The following RERE variants were observed in gnomAD, a reference collection of about 807,000 sequenced individuals.
The protein encoded by RERE is arginine-glutamic acid dipeptide repeats protein.
RERE carries 40 observed loss-of-function variants against 146.1 expected under a neutral mutation model. The observed-to-expected ratio is 0.27, with a 90% CI of 0.21 to 0.36. RERE has a LOEUF of 0.36. Ranked by LOEUF, RERE falls within the 10% of genes least tolerant of loss-of-function variation. The probability of loss-of-function intolerance (pLI) is 1.00; values close to 1 mark genes in which losing one functional copy is unlikely to be tolerated. For missense variants in RERE, 1,933 were observed against 2,138.7 expected (o/e 0.90, Z 1.90); for synonymous variants, 1,003 against 866.0 (o/e 1.16, Z -2.78).
At chr1:8,605,799 C>G (rs1324347348) in intron 4 of RERE, among the ~76,000 whole-genome samples, 1 of 137,716 alleles carries the variant, frequency 7.3e-6, no homozygotes, top group East Asian at 2.2e-4. Flanking sequence ...AATAGATTAT[C>G]TCCATTACTG....
At chr1:8,792,974 C>A (rs146421509) in intron 1 of RERE, among the ~76,000 whole-genome samples, 1,871 of 151,738 alleles carry the variant, frequency 0.012, 44 homozygotes, top group African/African-American at 0.043. Context: ...CTGGCCAACA[C>A]GGTGAAACCC....
chr1:8,764,997 T>C (rs1640820993), intron 1 of RERE, among the ~76,000 whole-genome samples: 1 of 152,220 alleles, frequency 6.6e-6, no homozygotes, highest in African/African-American at 2.4e-5. Context: ...TCTTAGGCTT[T>C]GGAAGTCACC....
intron 1 of RERE, among the ~76,000 whole-genome samples, chr1:8,692,336 C>G (rs550511077): frequency 7.5e-6 from 1 of 133,428 alleles, no homozygotes; most frequent in South Asian, 2.4e-4. Context: ...CTCACATTCT[C>G]CCATATACTT....
intron 8 of RERE, among the ~76,000 whole-genome samples, chr1:8,501,806 A>G (rs1374830620): frequency 9.1e-6 from 1 of 109,398 alleles, no homozygotes; most frequent in African/African-American, 3.5e-5. Context: ...CCGGGAGGTG[A>G]GGGGCGCCTC....
chr1:8,763,938 TAA>T (rs70985517), intron 1 of RERE, among the ~76,000 whole-genome samples: 570 of 135,958 alleles, frequency 4.2e-3, no homozygotes, highest in Middle Eastern at 7.9e-3. Flanking sequence ...AGACTCCGTC[TAA>T]AAAAAAAAAA....
intron 12 of RERE, among the ~76,000 whole-genome samples, chr1:8,402,287 A>G (rs1643288984): frequency 6.6e-6 from 1 of 152,166 alleles, no homozygotes; most frequent in African/African-American, 2.4e-5. Context: ...TTTCCATCCC[A>G]GTCGAGCTCA....
intron 4 of RERE, among the ~76,000 whole-genome samples, chr1:8,589,102 C>A (rs1646461468): frequency 6.6e-6 from 1 of 151,550 alleles, no homozygotes; most frequent in South Asian, 2.1e-4. Context: ...CCAGCCTGGG[C>A]AACTGAGCAG....
chr1:8,773,503 G>A (rs1211077734), intron 1 of RERE, among the ~76,000 whole-genome samples: 1 of 152,034 alleles, frequency 6.6e-6, no homozygotes, highest in East Asian at 1.9e-4. Flanking sequence ...AGACCAGCCT[G>A]CACAACATGG....
intron 1 of RERE, among the ~76,000 whole-genome samples, chr1:8,771,131 G>A (rs1640940565): frequency 6.6e-6 from 1 of 152,026 alleles, no homozygotes; most frequent in South Asian, 2.1e-4. Context: ...CCTGCTGGGG[G>A]GGGAAAATGT....
intron 10 of RERE, among the ~76,000 whole-genome samples, chr1:8,488,254 TA>T (rs1440306364): frequency 6.6e-6 from 1 of 152,138 alleles, no homozygotes; most frequent in East Asian, 1.9e-4. Context: ...TTATTATTAT[TA>T]TTTTTTTGAG....
intron 8 of RERE, among the ~76,000 whole-genome samples, chr1:8,502,245 T>A (rs1257896042): frequency 2.7e-5 from 3 of 109,566 alleles, no homozygotes; most frequent in Non-Finnish European, 5.7e-5. Flanking sequence ...AGCCACCCCG[T>A]CCGGGAGGTG....
At chr1:8,682,077 T>C (rs1223547518) in intron 1 of RERE, among the ~76,000 whole-genome samples, 4 of 152,186 alleles carry the variant, frequency 2.6e-5, no homozygotes, top group Non-Finnish European at 5.9e-5. Context: ...GAACCCTACC[T>C]ACCCTGTTTT....
At position 8,556,504 on chromosome 1, in the gene RERE, G is replaced by A. The variant is rs1387367604; in HGVS notation, c.696C>T (p.Tyr232=). 7 of 1,609,084 alleles carry A rather than the reference G, an allele frequency of 4.4e-6. No individual in the cohort carries two copies. The highest frequency in any genetic ancestry group is 3.3e-5 in the Admixed American group (2 of 59,984). The change falls in exon 6 of 23, where the codon TAC becomes TAT. Residue 232 remains tyrosine (Y), a synonymous_variant. Coordinates refer to ENST00000400908, the MANE Select transcript of RERE (RefSeq NM_001042681.2). ...GGGCAGCAGCATGGTAAGTGTCAAC[G>A]TAATCAGAAATGAAGAGCTCTCGGT... ...IKNRELFISD[Y]VDTYHAAALR... is the part of the protein sequence containing the mutation.
chr1:8,769,230 A>C (rs980260791), intron 1 of RERE, among the ~76,000 whole-genome samples: 2 of 152,168 alleles, frequency 1.3e-5, no homozygotes, highest in African/African-American at 4.8e-5. Flanking sequence ...GCTGTATTTT[A>C]TTATTAGGAA....
chr1:8,681,154 G>T (rs868255226), intron 1 of RERE, among the ~76,000 whole-genome samples: 1 of 152,084 alleles, frequency 6.6e-6, no homozygotes, highest in Non-Finnish European at 1.5e-5. Context: ...TAAAACAAAC[G>T]GGGCAGGGGG....
intron 2 of RERE, among the ~76,000 whole-genome samples, chr1:8,642,333 C>T (rs1462820925): frequency 1.3e-4 from 20 of 152,180 alleles, no homozygotes; most frequent in Admixed American, 1.3e-3. Context: ...TCCACGTTAA[C>T]CCACCAGCAG....
chr1:8,658,842 G>A (rs1299883472), intron 1 of RERE, among the ~76,000 whole-genome samples: 3 of 152,020 alleles, frequency 2.0e-5, no homozygotes, highest in South Asian at 2.1e-4. Context: ...TATATTCTCT[G>A]CAGCGCTCTT....
intron 6 of RERE, among the ~76,000 whole-genome samples, chr1:8,555,982 G>C (rs1327525387): frequency 6.6e-6 from 1 of 152,128 alleles, no homozygotes; most frequent in Non-Finnish European, 1.5e-5. Context: ...AATTTTGCCT[G>C]GGTTCTCAAG....
chr1:8,800,661 C>T (rs1641570263), intron 1 of RERE, among the ~76,000 whole-genome samples: 1 of 151,986 alleles, frequency 6.6e-6, no homozygotes, highest in Non-Finnish European at 1.5e-5. Flanking sequence ...AGAGAGATTC[C>T]GTCTCTAAAA....
Sources: allele counts gnomAD v4.1 joint callset (sites outside exome capture counted in the v4.1 genomes callset), GRCh38; gene constraint gnomAD v4.1.1; transcripts MANE v1.5; gene names NCBI Gene and HGNC (gene_info 2026-07-23, HGNC 2026-07-21).